SPIN1: variants seen among roughly 807,000 people sequenced by gnomAD.
SPIN1 encodes spindlin 1, also known as spindlin-1.
A neutral mutation model predicts 26.0 loss-of-function variants in SPIN1; 3 were observed. The observed-to-expected ratio is 0.12, with a 90% CI of 0.05 to 0.30. The LOEUF is 0.30. Among genes scored for constraint, SPIN1 ranks in the 10% least tolerant of loss-of-function variants. SPIN1 has a pLI of 1.00. For missense variants in SPIN1, 126 were observed against 333.4 expected, an observed-to-expected ratio of 0.38 and a Z score of 4.84; for synonymous variants, 101 against 116.5, an observed-to-expected ratio of 0.87 and a Z score of 0.86.
chr9:88,388,785 G>A lies in SPIN1; in HGVS notation c.-159+247G>A, dbSNP rs867750952. ...TGTTCGCCGGCCCCTACTCCTCCGT[G>A]CCCCCATCCCCGCCGCCCCCCGCCA... On this transcript the variant is annotated intron_variant, in intron 1 of 5. Transcript: ENST00000375859. Among the ~76,000 whole-genome samples the A allele has an allele frequency of 5.0e-4, 75 of 150,134 alleles. 1 individual carries two copies. Among genetic ancestry groups the A allele is most frequent in the African/African-American group, 1.7e-3 (72 of 41,294 alleles).
At chr9:88,454,988 CAG>C (rs1447572083) in intron 3 of SPIN1, among the ~76,000 whole-genome samples, 1 of 152,150 alleles carries the variant, frequency 6.6e-6, no homozygotes, top group African/African-American at 2.4e-5. Context: ...GTATCTATAA[CAG>C]ATATTCTTTA....
intron 1 of SPIN1, chr9:88,391,514 A>G (rs1826919305): frequency 6.6e-6 from 1 of 152,616 alleles, no homozygotes; most frequent in South Asian, 2.1e-4. Context: ...TTTCAAGCCA[A>G]GAACATCTGT....
At chr9:88,392,378 A>AGGAGATACACATGCATAT (rs1382277669) in intron 1 of SPIN1, among the ~76,000 whole-genome samples, 1 of 152,198 alleles carries the variant, frequency 6.6e-6, no homozygotes, top group Non-Finnish European at 1.5e-5. Flanking sequence ...AGTCTGATAG[A>AGGAGATACACATGCATAT]GGAGATACAC....
intron 3 of SPIN1, among the ~76,000 whole-genome samples, chr9:88,460,340 T>A (rs939951597): frequency 3.9e-5 from 6 of 152,156 alleles, no homozygotes; most frequent in African/African-American, 1.4e-4. Flanking sequence ...TGAAAAAAAA[T>A]TTCAAATTAT....
intron 1 of SPIN1, among the ~76,000 whole-genome samples, chr9:88,401,488 T>G (rs1184329467): frequency 6.6e-6 from 1 of 152,198 alleles, no homozygotes; most frequent in African/African-American, 2.4e-5. Flanking sequence ...GTTTCTTATA[T>G]AAAATGGTGT....
intron 2 of SPIN1, among the ~76,000 whole-genome samples, chr9:88,447,362 G>A (rs953254489): frequency 1.3e-4 from 20 of 152,092 alleles, no homozygotes; most frequent in Non-Finnish European, 2.5e-4. Context: ...TGCTTATGGA[G>A]TTACAATCTG....
At chr9:88,392,380 G>A (rs568292437) in intron 1 of SPIN1, among the ~76,000 whole-genome samples, 5 of 152,274 alleles carry the variant, frequency 3.3e-5, no homozygotes, top group African/African-American at 1.2e-4. Context: ...TCTGATAGAG[G>A]AGATACACAT....
chr9:88,409,773 G>A (rs950989101), intron 1 of SPIN1, among the ~76,000 whole-genome samples: 1 of 151,706 alleles, frequency 6.6e-6, no homozygotes, highest in Non-Finnish European at 1.5e-5. Context: ...AGGAGGCGGA[G>A]CTTGCAGTGA....
At chr9:88,462,973 C>T (rs1209610643) in intron 4 of SPIN1, among the ~76,000 whole-genome samples, 1 of 152,028 alleles carries the variant, frequency 6.6e-6, no homozygotes, top group Non-Finnish European at 1.5e-5. Context: ...AGAAGTTTGC[C>T]ACGTAATAAT....
chr9:88,464,737 A>G (rs922860434), intron 4 of SPIN1, among the ~76,000 whole-genome samples: 3 of 150,876 alleles, frequency 2.0e-5, no homozygotes, highest in African/African-American at 7.5e-5. Context: ...GTGCAAGACT[A>G]ACTACTTTTT....
At chr9:88,416,290 T>C (rs1827562863) in intron 1 of SPIN1, among the ~76,000 whole-genome samples, 1 of 152,206 alleles carries the variant, frequency 6.6e-6, no homozygotes, top group South Asian at 2.1e-4. Flanking sequence ...AAATTTCTTT[T>C]CTGCTAAACC....
At chr9:88,389,439 G>GTCA (rs1826870425) in intron 1 of SPIN1, 1 of 152,204 alleles carries the variant, frequency 6.6e-6, no homozygotes, top group Admixed American at 6.5e-5. Flanking sequence ...CTTCAGTAAT[G>GTCA]TCATCGTATA....
At chr9:88,449,100 C>G in intron 3 of SPIN1, 111 bp downstream of exon 3, 3 of 947,488 alleles carry the variant, frequency 3.2e-6, no homozygotes, top group Non-Finnish European at 3.4e-6. Context: ...CTTCCTAGCT[C>G]ATAGGAGATG....
intron 5 of SPIN1, among the ~76,000 whole-genome samples, chr9:88,472,693 G>A (rs573151400): frequency 1.3e-5 from 2 of 152,194 alleles, no homozygotes; most frequent in South Asian, 4.2e-4. Context: ...GAGTTTCACT[G>A]TGTTGGCCAG....
intron 3 of SPIN1, among the ~76,000 whole-genome samples, chr9:88,461,464 A>G (rs374227248): frequency 3.3e-5 from 5 of 152,268 alleles, no homozygotes; most frequent in Non-Finnish European, 4.4e-5. Context: ...TTAGCTAAAT[A>G]TATGTTACCA....
At chr9:88,431,521 C>A (rs955177944) in intron 2 of SPIN1, among the ~76,000 whole-genome samples, 10 of 152,032 alleles carry the variant, frequency 6.6e-5, no homozygotes, top group Admixed American at 2.0e-4. Flanking sequence ...AACTCCCGAC[C>A]TCAGGTGATC....
chr9:88,456,991 T>C (rs952133478), intron 3 of SPIN1, among the ~76,000 whole-genome samples: 4 of 151,628 alleles, frequency 2.6e-5, no homozygotes, highest in Admixed American at 6.6e-5. Context: ...GAAAGTAGAG[T>C]TTACTTAATT....
At chr9:88,459,092 G>A (rs1587812038) in intron 3 of SPIN1, among the ~76,000 whole-genome samples, 1 of 102,492 alleles carries the variant, frequency 9.8e-6, no homozygotes, top group South Asian at 3.1e-4. Flanking sequence ...TGGAATGTCT[G>A]TGTAAATTAC....
intron 1 of SPIN1, chr9:88,411,603 T>G (rs1827445091): frequency 1.8e-6 from 1 of 546,208 alleles, no homozygotes; most frequent in Non-Finnish European, 3.2e-6. Context: ...AGCCTTGGCC[T>G]CCTGGGCTCA....
Sources: gnomAD v4.1 joint callset for allele counts (sites outside exome capture counted in the v4.1 genomes callset) on GRCh38, gnomAD v4.1.1 for gene constraint, MANE v1.5 for transcripts, NCBI Gene and HGNC (gene_info 2026-07-23, HGNC 2026-07-21) for gene names.